The following PKNOX2 variants were observed in gnomAD, a reference collection of about 807,000 sequenced individuals.
PKNOX2 encodes the protein homeobox protein PKNOX2.
Under a neutral mutation model 53.1 loss-of-function variants are expected in PKNOX2, and 14 were observed. The ratio of observed to expected loss-of-function variants is 0.26; its 90% confidence interval spans 0.17 to 0.41. The LOEUF is 0.41. Ranked by LOEUF, PKNOX2 falls within the 10% of genes least tolerant of loss-of-function variation. The probability of loss-of-function intolerance (pLI) is 1.00; values close to 1 mark genes in which losing one functional copy is unlikely to be tolerated. For synonymous variants in PKNOX2, 257 were observed against 242.8 expected, an observed-to-expected ratio of 1.06 and a Z score of -0.54; for missense variants, 496 against 602.8, an observed-to-expected ratio of 0.82 and a Z score of 1.85.
At chr11:125,419,580 A>G (rs1410381904) in intron 10 of PKNOX2, among the ~76,000 whole-genome samples, 1 of 151,808 alleles carries the variant, frequency 6.6e-6, no homozygotes, top group African/African-American at 2.4e-5. Context: ...CGTATTAAGG[A>G]TTAACTTTTT....
At chr11:125,299,791 C>T (rs532298241) in intron 2 of PKNOX2, among the ~76,000 whole-genome samples, 1 of 152,280 alleles carries the variant, frequency 6.6e-6, no homozygotes, top group South Asian at 2.1e-4. Context: ...TCGCATCCCC[C>T]CACCGGGCTG....
At chr11:125,173,183 T>C (rs904922951) in intron 1 of PKNOX2, among the ~76,000 whole-genome samples, 4 of 152,198 alleles carry the variant, frequency 2.6e-5, no homozygotes, top group African/African-American at 9.7e-5. Context: ...AAAACATCTG[T>C]AAGTGGTTGG....
Position 125,238,987 on chromosome 11 carries a change from A to G in PKNOX2, c.-130+3872A>G, listed in dbSNP as rs188476471. Among the ~76,000 whole-genome samples, 309 of 152,276 alleles carry G rather than the reference A, an allele frequency of 2.0e-3. 6 individuals are homozygous for G. The highest frequency in any genetic ancestry group is 2.0e-3 in the Non-Finnish European group (138 of 68,024). On this transcript the variant is annotated intron_variant, in intron 2 of 12. Transcript: ENST00000298282. ...GTTGTATATACTTCCCAGGACTGCT[A>G]TGAGGACTCACTGCGATCCAGCATG...
At chr11:125,409,130 C>G (rs536976614) in intron 7 of PKNOX2, among the ~76,000 whole-genome samples, 1 of 152,168 alleles carries the variant, frequency 6.6e-6, no homozygotes, top group Non-Finnish European at 1.5e-5. Flanking sequence ...ACACTTCACT[C>G]GCTGCCTTTT....
chr11:125,357,014 A>G (rs1054248639), intron 4 of PKNOX2, among the ~76,000 whole-genome samples: 13 of 152,246 alleles, frequency 8.5e-5, no homozygotes, highest in African/African-American at 3.1e-4. Context: ...TTGCAGCAAT[A>G]GAGTTAATTC....
At chr11:125,354,961 G>A (rs749881) in intron 4 of PKNOX2, among the ~76,000 whole-genome samples, 16,911 of 152,172 alleles carry the variant, frequency 0.11, 1,768 homozygotes, top group African/African-American at 0.28. Context: ...AAGGATGACT[G>A]TATGTTTAGA....
intron 2 of PKNOX2, among the ~76,000 whole-genome samples, chr11:125,331,003 G>A (rs1950109361): frequency 6.6e-6 from 1 of 152,070 alleles, no homozygotes; most frequent in Non-Finnish European, 1.5e-5. Flanking sequence ...AGGCCTCAGA[G>A]CAGCCCCCTC....
rs1488373626 is a variant in PKNOX2 at position 125,323,115 on chromosome 11, G to C, written c.-129-8704G>C. On this transcript the variant is annotated intron_variant, in intron 2 of 12. Coordinates refer to ENST00000298282, the MANE Select transcript of PKNOX2 (RefSeq NM_001382323.2). ...AGCAGTGACGTGCTGATGCAGGAGA[G>C]TTATGGATGGAGGCCAGGTATCTTG... Among the ~76,000 whole-genome samples, 3 of 152,054 alleles carry C rather than the reference G, an allele frequency of 2.0e-5. No homozygotes were observed. The East Asian group carries it at 5.8e-4, about 29-fold the overall frequency.
rs188915530 is a variant in PKNOX2, at chr11:125,356,565, G to T, written c.87+5173G>T. On this transcript the variant is annotated intron_variant, in intron 4 of 12. Coordinates refer to ENST00000298282, the MANE Select transcript of PKNOX2 (RefSeq NM_001382323.2). ...AGCATCCCTCAGAGTGGGGAGAATG[G>T]TGTCTGGGACTCCAGGACATGGCAC... Among the ~76,000 whole-genome samples the T allele has an allele frequency of 1.3e-4, 20 of 152,318 alleles. No individual in the cohort carries two copies. In the East Asian group the frequency reaches 3.9e-3, roughly 29 times the overall value.
intron 4 of PKNOX2, among the ~76,000 whole-genome samples, chr11:125,358,630 A>G (rs840024): frequency 0.97 from 148,120 of 152,358 alleles, 72,044 homozygotes; most frequent in East Asian, 1. Context: ...GGATCAGAAT[A>G]GAGGTGACCG....
chr11:125,223,539 T>C (rs1376614147), intron 1 of PKNOX2, among the ~76,000 whole-genome samples: 1 of 152,222 alleles, frequency 6.6e-6, no homozygotes, highest in Admixed American at 6.5e-5. Context: ...CCTCTTTTAA[T>C]ACTTCTAATC....
Position 125,249,990 on chromosome 11 carries a change from G to A in PKNOX2, c.-130+14875G>A, listed in dbSNP as rs192299576. Among the ~76,000 whole-genome samples, 6 of 149,000 alleles carry A rather than the reference G, an allele frequency of 4.0e-5. No homozygotes were observed. The East Asian group carries it at 1.0e-3, about 25-fold the overall frequency. Reference sequence around the variant, plus strand: ...TGAGGCAAGAGAATCGCTTGTACCCGGGAGGCAGAGGTTGCGGTGAGCAGA... The same window carrying A: ...TGAGGCAAGAGAATCGCTTGTACCCAGGAGGCAGAGGTTGCGGTGAGCAGA... On this transcript the variant is annotated intron_variant, in intron 2 of 12. Coordinates refer to ENST00000298282, the MANE Select transcript of PKNOX2 (RefSeq NM_001382323.2).
intron 2 of PKNOX2, among the ~76,000 whole-genome samples, chr11:125,242,814 T>C (rs1390031343): frequency 6.6e-6 from 1 of 152,118 alleles, no homozygotes; most frequent in East Asian, 1.9e-4. Flanking sequence ...TCATCTAGGC[T>C]TGCAATCATC....
At chr11:125,411,576 A>G in intron 9 of PKNOX2, 170 bp from the exon 10 acceptor site, 2 of 904,726 alleles carry the variant, frequency 2.2e-6, no homozygotes, top group Non-Finnish European at 3.3e-6. Flanking sequence ...CCTCACCTCC[A>G]CTCTCTGAGG....
Position 125,418,871 on chromosome 11 carries a change from T to C in PKNOX2, c.936+7006T>C, listed in dbSNP as rs11825024. 9.4e-3 allele frequency among the ~76,000 whole-genome samples: 1,435 copies of C among 152,202 alleles called. 48 individuals carry two copies. Among genetic ancestry groups the C allele is most frequent in the African/African-American group, 0.033 (1,366 of 41,424 alleles). ...GTATAATAACTATTTATATAGCATT[T>C]ACATTGTATTCATTACTGTAAGTAA... On this transcript the variant is annotated intron_variant, in intron 10 of 12. Coordinates refer to ENST00000298282, the MANE Select transcript of PKNOX2 (RefSeq NM_001382323.2).
At chr11:125,267,751 GTGTGTGTGTGCA>G (rs1945473098) in intron 2 of PKNOX2, among the ~76,000 whole-genome samples, 1 of 146,340 alleles carries the variant, frequency 6.8e-6, no homozygotes, top group African/African-American at 2.8e-5. Context: ...ATGTGTGCGC[GTGTGTGTGTGCA>G]TGTGTGTGTG....
At chr11:125,203,498 A>G (rs1273085019) in intron 1 of PKNOX2, among the ~76,000 whole-genome samples, 1 of 152,210 alleles carries the variant, frequency 6.6e-6, no homozygotes, top group African/African-American at 2.4e-5. Context: ...TTGGCCCTTC[A>G]GGGAAGGCGG....
chr11:125,270,142 G>A (rs1312955983), intron 2 of PKNOX2, among the ~76,000 whole-genome samples: 1 of 152,192 alleles, frequency 6.6e-6, no homozygotes, highest in African/African-American at 2.4e-5. Context: ...CTCTTGGCTA[G>A]TATTTGAATA....
Position 125,337,894 on chromosome 11 carries a change from G to C in PKNOX2, c.-23+5969G>C, listed in dbSNP as rs143885678. ...TTGGGCAAGTTTCCTTATTTGTCTC[G>C]GGAAGAAGTCAGACCTCATGATGAC... On this transcript the variant is annotated intron_variant, in intron 3 of 12. Coordinates refer to ENST00000298282, the MANE Select transcript of PKNOX2 (RefSeq NM_001382323.2). 4.6e-5 allele frequency among the ~76,000 whole-genome samples: 7 copies of C among 152,186 alleles called. No homozygotes were observed. In the East Asian group the frequency reaches 1.4e-3, roughly 29 times the overall value.
Sources: gnomAD v4.1 joint callset for allele counts (sites outside exome capture counted in the v4.1 genomes callset) on GRCh38, gnomAD v4.1.1 for gene constraint, MANE v1.5 for transcripts, NCBI Gene and HGNC (gene_info 2026-07-23, HGNC 2026-07-21) for gene names.